Variants in MALRD1 observed in about 807,000 individuals in gnomAD.
The protein encoded by MALRD1 is MAM and LDL receptor class A domain containing 1, also known as MAM and LDL-receptor class A domain-containing protein 1.
In MALRD1, 247 loss-of-function variants were observed where a neutral mutation model predicts 242.1. The ratio of observed to expected loss-of-function variants is 1.02; its 90% CI spans 0.92 to 1.13. MALRD1 has a LOEUF of 1.13. MALRD1 is among the 50% of genes most tolerant of loss of function. MALRD1 has a pLI of 0.00. For missense variants in MALRD1, 2,989 were observed against 2,533.1 expected (o/e 1.18, Z -3.86); for synonymous variants, 995 against 866.6 (o/e 1.15, Z -2.60).
chr10:19,638,473 A>G (rs766574949), intron 36 of MALRD1, among the ~76,000 whole-genome samples: 3 of 152,150 alleles, frequency 2.0e-5, no homozygotes, highest in Non-Finnish European at 4.4e-5. Context: ...AGAATTACTA[A>G]TTGAGTATGA....
chr10:19,541,815 G>C (rs772833255), intron 32 of MALRD1, among the ~76,000 whole-genome samples: 59 of 152,188 alleles, frequency 3.9e-4, no homozygotes, highest in Non-Finnish European at 7.3e-4. Context: ...GACACTTTGA[G>C]AGCTGCGCCA....
At chr10:19,153,032 G>A (rs1344052676) in intron 11 of MALRD1, among the ~76,000 whole-genome samples, 1 of 151,958 alleles carries the variant, frequency 6.6e-6, no homozygotes, top group Non-Finnish European at 1.5e-5. Flanking sequence ...ATTAAGATTT[G>A]TGACTTGAAA....
intron 36 of MALRD1, among the ~76,000 whole-genome samples, chr10:19,652,905 G>A (rs887346326): frequency 1.3e-5 from 2 of 152,152 alleles, no homozygotes; most frequent in African/African-American, 4.8e-5. Flanking sequence ...ATGCAACGTT[G>A]CTTCTTTCTC....
chr10:19,730,374 G>T (rs989576779), intron 38 of MALRD1, among the ~76,000 whole-genome samples: 3 of 152,060 alleles, frequency 2.0e-5, no homozygotes, highest in African/African-American at 7.2e-5. Flanking sequence ...ATATTACATT[G>T]TTCTTTCTAA....
chr10:19,552,453 C>T (rs1409641488), intron 32 of MALRD1, among the ~76,000 whole-genome samples: 6 of 151,788 alleles, frequency 4.0e-5, no homozygotes, highest in Admixed American at 1.3e-4. Context: ...TTATTTGAAT[C>T]TTCTCTCTTT....
chr10:19,567,470 C>T (rs1161230085), intron 32 of MALRD1, 32 bp from the exon 33 acceptor site: 3 of 1,528,336 alleles, frequency 2.0e-6, no homozygotes, highest in Non-Finnish European at 1.8e-6. Flanking sequence ...AATATCCAAT[C>T]ATAAAAAGTT....
chr10:19,107,192 G>A (rs1270973556), intron 5 of MALRD1, among the ~76,000 whole-genome samples: 1 of 151,892 alleles, frequency 6.6e-6, no homozygotes, highest in Non-Finnish European at 1.5e-5. Context: ...TTCATTTTCT[G>A]TCTGAATTAT....
chr10:19,231,709 G>A (rs1027919656), intron 18 of MALRD1, among the ~76,000 whole-genome samples: 2 of 152,100 alleles, frequency 1.3e-5, no homozygotes, highest in Non-Finnish European at 2.9e-5. Context: ...ATGTGGAACT[G>A]TGAGTTCATT....
chr10:19,368,943 T>C (rs1461066698), intron 26 of MALRD1, among the ~76,000 whole-genome samples: 1 of 148,814 alleles, frequency 6.7e-6, no homozygotes, highest in Non-Finnish European at 1.5e-5. Flanking sequence ...AATATATTTC[T>C]TTAAATAATA....
chr10:19,675,383 CT>C, intron 36 of MALRD1, among the ~76,000 whole-genome samples: 2 of 152,160 alleles, frequency 1.3e-5, no homozygotes. Context: ...AGCCATTGCT[CT>C]CTGAGCTTCA....
chr10:19,531,112 A>G (rs1834394564), intron 31 of MALRD1, 82 bp from the exon 32 acceptor site: 3 of 1,160,842 alleles, frequency 2.6e-6, no homozygotes, highest in Admixed American at 2.6e-5. Context: ...GGATAAAAAG[A>G]TATCTGTTAA....
intron 18 of MALRD1, among the ~76,000 whole-genome samples, chr10:19,243,598 A>C (rs1838899742): frequency 6.6e-6 from 1 of 152,126 alleles, no homozygotes; most frequent in Non-Finnish European, 1.5e-5. Flanking sequence ...AGTTACCAAC[A>C]ATCAATGTGA....
upstream of MALRD1, among the ~76,000 whole-genome samples, chr10:19,048,095 G>T (rs2789316): frequency 6.6e-6 from 1 of 151,916 alleles, no homozygotes; most frequent in African/African-American, 2.4e-5. Flanking sequence ...CCTGAAATCA[G>T]GTGTTTCACT....
chr10:19,602,558 G>A (rs145060086), intron 34 of MALRD1, among the ~76,000 whole-genome samples: 1 of 151,852 alleles, frequency 6.6e-6, no homozygotes, highest in Non-Finnish European at 1.5e-5. Flanking sequence ...GTGTTCCATG[G>A]TGTATATGTG....
At chr10:19,504,504 C>T (rs1011536394) in intron 31 of MALRD1, among the ~76,000 whole-genome samples, 1 of 152,048 alleles carries the variant, frequency 6.6e-6, no homozygotes, top group Non-Finnish European at 1.5e-5. Context: ...AAAGCCAGCA[C>T]TCCCTCACAT....
At chr10:19,400,537 T>C (rs888914452) in intron 28 of MALRD1, among the ~76,000 whole-genome samples, 2 of 152,304 alleles carry the variant, frequency 1.3e-5, no homozygotes, top group Admixed American at 1.3e-4. Context: ...ACATAGTAGG[T>C]ATTAAACACA....
chr10:19,083,727 A>G (rs141907467), intron 2 of MALRD1, among the ~76,000 whole-genome samples: 12 of 152,060 alleles, frequency 7.9e-5, no homozygotes, highest in African/African-American at 2.4e-4. Flanking sequence ...ACATGAATGC[A>G]AGCTGCTATT....
intron 33 of MALRD1, 29 bp downstream of exon 33, chr10:19,567,732 AAGTAT>A: frequency 6.5e-7 from 1 of 1,532,640 alleles, no homozygotes. Context: ...AAATGGGAAT[AAGTAT>A]TTGTTTTTAG....
At chr10:19,216,655 G>A (rs1487993371) in intron 18 of MALRD1, among the ~76,000 whole-genome samples, 2 of 152,038 alleles carry the variant, frequency 1.3e-5, no homozygotes, top group Admixed American at 1.3e-4. Flanking sequence ...GTAAAGATGT[G>A]GAGAGGCCAG....
Sources: gnomAD v4.1 joint callset for allele counts (sites outside exome capture counted in the v4.1 genomes callset) on GRCh38, gnomAD v4.1.1 for gene constraint, MANE v1.5 for transcripts, NCBI Gene and HGNC (gene_info 2026-07-23, HGNC 2026-07-21) for gene names.